MYRIP: variants seen among roughly 807,000 people sequenced by gnomAD.
MYRIP encodes rab effector MyRIP.
Under a neutral mutation model 98.0 loss-of-function variants are expected in MYRIP, and 49 were observed. The observed-to-expected ratio is 0.50, with a 90% CI of 0.40 to 0.63. The LOEUF (loss-of-function observed/expected upper bound fraction) is 0.63, where lower values mean the gene tolerates loss of function less well. MYRIP is among the 30% of genes least tolerant of loss of function. The pLI is 0.00. For synonymous variants in MYRIP, 404 were observed against 409.5 expected (o/e 0.99, Z 0.16); for missense variants, 1,004 against 1,058.2 (o/e 0.95, Z 0.71).
At chr3:39,847,996 C>G (rs933502483) in intron 1 of MYRIP, among the ~76,000 whole-genome samples, 4 of 152,160 alleles carry the variant, frequency 2.6e-5, no homozygotes. Context: ...ACCTTCCTGC[C>G]CTCCAAAATT....
At chr3:40,216,596 G>T (rs1952126063) in intron 11 of MYRIP, among the ~76,000 whole-genome samples, 1 of 152,112 alleles carries the variant, frequency 6.6e-6, no homozygotes, top group Non-Finnish European at 1.5e-5. Flanking sequence ...AAAATAAAGT[G>T]AATAGCAGGA....
At chr3:40,245,397 C>T (rs1419605263) in intron 13 of MYRIP, among the ~76,000 whole-genome samples, 2 of 151,584 alleles carry the variant, frequency 1.3e-5, no homozygotes, top group African/African-American at 4.8e-5. Context: ...CGCCTGTAAT[C>T]CCAGCACTTT....
chr3:39,899,210 T>C (rs79993193), intron 1 of MYRIP, among the ~76,000 whole-genome samples: 3,702 of 152,274 alleles, frequency 0.024, 109 homozygotes, highest in East Asian at 0.089. Context: ...ATAATACTTG[T>C]ATGCATGCTG....
At chr3:39,934,647 A>G (rs1014055493) in intron 2 of MYRIP, among the ~76,000 whole-genome samples, 1 of 152,188 alleles carries the variant, frequency 6.6e-6, no homozygotes, top group South Asian at 2.1e-4. Context: ...AGATGTGCAC[A>G]ATCTGGCTTT....
chr3:39,972,880 G>A (rs1407917345), intron 2 of MYRIP, among the ~76,000 whole-genome samples: 2 of 151,614 alleles, frequency 1.3e-5, no homozygotes, highest in African/African-American at 4.8e-5. Context: ...TGCAAGTCTT[G>A]ATTTTATCTC....
At chr3:40,010,791 T>G (rs1482157100) in intron 2 of MYRIP, among the ~76,000 whole-genome samples, 2 of 152,174 alleles carry the variant, frequency 1.3e-5, no homozygotes, top group Non-Finnish European at 2.9e-5. Flanking sequence ...GTCCTGGTTC[T>G]GGTTCTGGAC....
At chr3:39,820,190 C>A (rs1482050557) in intron 1 of MYRIP, among the ~76,000 whole-genome samples, 1 of 152,208 alleles carries the variant, frequency 6.6e-6, no homozygotes, top group Non-Finnish European at 1.5e-5. Context: ...CCAAAAGCCT[C>A]AAATAATCTT....
chr3:39,955,880 A>G (rs545295648), intron 2 of MYRIP, among the ~76,000 whole-genome samples: 1 of 152,350 alleles, frequency 6.6e-6, no homozygotes, highest in South Asian at 2.1e-4. Flanking sequence ...TTGCAATCAT[A>G]GTTTCTGATA....
At chr3:40,198,972 A>G (rs1416231340) in intron 10 of MYRIP, among the ~76,000 whole-genome samples, 1 of 152,216 alleles carries the variant, frequency 6.6e-6, no homozygotes. Flanking sequence ...AAACCAGAGT[A>G]GGAAAGATAA....
Position 40,259,428 on chromosome 3 carries a change from C to G in MYRIP, c.*1262C>G, listed in dbSNP as rs1273207302. On this transcript the variant is annotated 3_prime_UTR_variant, in exon 17 of 17. Transcript: ENST00000302541. The stretch of plus-strand genomic sequence containing the variant: ...GATGAATATGTGTTAAGTGCCTGCT[C>G]TGAAGGAGGCAATGTTCTTCTCATT... The G allele has an allele frequency of 6.6e-6, 1 of 152,196 alleles. No individual in the cohort carries two copies. Among genetic ancestry groups the G allele is most frequent in the Non-Finnish European group, 1.5e-5 (1 of 68,030 alleles). The allele number at this position is 152,196 out of a possible 1,614,324, so 9.4% of individuals were successfully genotyped here.
At chr3:39,813,273 G>T (rs1160522465) in intron 1 of MYRIP, among the ~76,000 whole-genome samples, 1 of 152,156 alleles carries the variant, frequency 6.6e-6, no homozygotes, top group Non-Finnish European at 1.5e-5. Context: ...CAAGTGACCC[G>T]GGAGATGTGG....
chr3:39,961,393 T>C (rs903591994), intron 2 of MYRIP, among the ~76,000 whole-genome samples: 15 of 152,150 alleles, frequency 9.9e-5, no homozygotes, highest in Admixed American at 3.3e-4. Flanking sequence ...ACCACAGTTC[T>C]GCTAGAATAG....
intron 10 of MYRIP, among the ~76,000 whole-genome samples, chr3:40,204,403 A>G (rs1313876255): frequency 6.7e-6 from 1 of 149,342 alleles, no homozygotes; most frequent in Non-Finnish European, 1.5e-5. Flanking sequence ...GCTGGCCTCA[A>G]ACTCCTGACC....
intron 1 of MYRIP, among the ~76,000 whole-genome samples, chr3:39,863,692 G>T (rs930558459): frequency 2.0e-5 from 3 of 152,122 alleles, no homozygotes; most frequent in Admixed American, 2.0e-4. Context: ...TCCAGAAAAA[G>T]CTCAGGACCA....
chr3:40,091,578 T>C (rs1948738220), intron 3 of MYRIP, among the ~76,000 whole-genome samples: 1 of 152,252 alleles, frequency 6.6e-6, no homozygotes, highest in Non-Finnish European at 1.5e-5. Flanking sequence ...GACCTCTTCC[T>C]GTTGTCTAAT....
intron 1 of MYRIP, among the ~76,000 whole-genome samples, chr3:39,846,463 G>A (rs1941970199): frequency 6.6e-6 from 1 of 152,134 alleles, no homozygotes; most frequent in Admixed American, 6.5e-5. Context: ...CATCTTCCCA[G>A]ATGTGCATTT....
At chr3:39,878,995 G>A (rs977441853) in intron 1 of MYRIP, among the ~76,000 whole-genome samples, 2 of 151,926 alleles carry the variant, frequency 1.3e-5, no homozygotes, top group African/African-American at 2.4e-5. Flanking sequence ...GAACCTGGGA[G>A]GCGGAGGTTG....
In MYRIP at chr3:39,977,174, C is replaced by T. The variant is rs1372342242; in HGVS notation, c.111-66876C>T. Among the ~76,000 whole-genome samples, 4 of 152,068 alleles carry T rather than the reference C, an allele frequency of 2.6e-5. No individual in the cohort carries two copies. The East Asian group carries it at 5.8e-4, about 22-fold the overall frequency. The stretch of plus-strand genomic sequence containing the variant: ...GCAAAACTGCCCACTTCCCTCCTCA[C>T]GTTATCCACTAAGGAATGCCTCCAA... On this transcript the variant is annotated intron_variant, in intron 2 of 16. Transcript: ENST00000302541.
At chr3:39,822,523 A>G (rs1313996238) in intron 1 of MYRIP, among the ~76,000 whole-genome samples, 1 of 152,144 alleles carries the variant, frequency 6.6e-6, no homozygotes, top group Non-Finnish European at 1.5e-5. Context: ...GTGTGGCCCA[A>G]GACAATTCTT....
Sources: gnomAD v4.1 joint callset for allele counts (sites outside exome capture counted in the v4.1 genomes callset) on GRCh38, gnomAD v4.1.1 for gene constraint, MANE v1.5 for transcripts, NCBI Gene and HGNC (gene_info 2026-07-23, HGNC 2026-07-21) for gene names.